Variants in METTL15 observed in about 807,000 individuals in gnomAD.
METTL15 encodes methyltransferase 15, mitochondrial 12S rRNA N4-cytidine.
A neutral mutation model predicts 38.3 loss-of-function variants in METTL15; 34 were observed. The observed-to-expected ratio is 0.89, with a 90% CI of 0.68 to 1.18. The LOEUF is 1.18. Among genes scored for constraint, METTL15 ranks in the 50% most tolerant of loss-of-function variants. The pLI, the probability that METTL15 is intolerant of heterozygous loss-of-function variation, is 0.00. For missense variants in METTL15, 438 were observed against 498.4 expected (o/e 0.88, Z 1.15); for synonymous variants, 162 against 170.9 (o/e 0.95, Z 0.41).
chr11:28,424,009 A>T (rs1006962664), intron 5 of METTL15, among the ~76,000 whole-genome samples: 21 of 151,994 alleles, frequency 1.4e-4, no homozygotes, highest in Non-Finnish European at 1.2e-4. Flanking sequence ...CTTTTTTTTA[A>T]AAAACCCCAA....
At chr11:28,240,583 G>A (rs1690073986) in intron 4 of METTL15, among the ~76,000 whole-genome samples, 1 of 152,134 alleles carries the variant, frequency 6.6e-6, no homozygotes, top group Admixed American at 6.5e-5. Flanking sequence ...ATAGCAAATA[G>A]CTTGTTCTAC....
At chr11:28,485,494 G>A (rs544269501) in intron 6 of METTL15, among the ~76,000 whole-genome samples, 1 of 152,248 alleles carries the variant, frequency 6.6e-6, no homozygotes, top group Non-Finnish European at 1.5e-5. Context: ...TTACCAGGAT[G>A]AGTATGGAAA....
intron 3 of METTL15, among the ~76,000 whole-genome samples, chr11:28,210,498 C>T (rs1412224769): frequency 3.3e-5 from 5 of 150,718 alleles, no homozygotes; most frequent in Non-Finnish European, 7.4e-5. Context: ...TTTTTTTCTT[C>T]TCAGTTCATA....
At chr11:28,291,983 G>A (rs961116495) in intron 5 of METTL15, among the ~76,000 whole-genome samples, 1 of 151,954 alleles carries the variant, frequency 6.6e-6, no homozygotes, top group Non-Finnish European at 1.5e-5. Context: ...ATGTTGAATG[G>A]CTTTCAGGTA....
At chr11:28,275,168 A>C (rs1413009096) in intron 4 of METTL15, among the ~76,000 whole-genome samples, 8 of 151,718 alleles carry the variant, frequency 5.3e-5, no homozygotes, top group Non-Finnish European at 1.2e-4. Context: ...AGGATCAATG[A>C]AACAAAAAGT....
chr11:28,264,975 C>A (rs1193819857), intron 4 of METTL15, among the ~76,000 whole-genome samples: 1 of 151,844 alleles, frequency 6.6e-6, no homozygotes, highest in Non-Finnish European at 1.5e-5. Context: ...TGCTTCATAT[C>A]AATAATAGCT....
chr11:28,428,507 TTAAG>T (rs779340247), intron 6 of METTL15, among the ~76,000 whole-genome samples: 5 of 152,210 alleles, frequency 3.3e-5, no homozygotes, highest in African/African-American at 1.2e-4. Flanking sequence ...GTGGTTATAA[TTAAG>T]TGTCTTCTAC....
At chr11:28,466,979 G>A (rs1292822531) in intron 6 of METTL15, among the ~76,000 whole-genome samples, 1 of 152,162 alleles carries the variant, frequency 6.6e-6, no homozygotes, top group Non-Finnish European at 1.5e-5. Flanking sequence ...TAAACCTGGA[G>A]TCCTTTTTGG....
At chr11:28,270,977 T>C (rs1166338122) in intron 4 of METTL15, among the ~76,000 whole-genome samples, 10 of 152,206 alleles carry the variant, frequency 6.6e-5, no homozygotes, top group African/African-American at 2.4e-4. Context: ...CTGAAGATTA[T>C]ATGCATCAAT....
At chr11:28,433,110 A>C (rs1850949311) in intron 6 of METTL15, among the ~76,000 whole-genome samples, 2 of 151,816 alleles carry the variant, frequency 1.3e-5, no homozygotes, top group African/African-American at 4.8e-5. Flanking sequence ...GCCATAATAA[A>C]ATCCAAAGTT....
chr11:28,328,820 A>G (rs2134061000), intron 6 of METTL15, among the ~76,000 whole-genome samples: 1 of 152,176 alleles, frequency 6.6e-6, no homozygotes, highest in African/African-American at 2.4e-5. Context: ...AATAATATAC[A>G]TGTATTCTGC....
At chr11:28,109,643 A>G (rs566377817) in intron 1 of METTL15, among the ~76,000 whole-genome samples, 206 of 152,342 alleles carry the variant, frequency 1.4e-3, no homozygotes, top group African/African-American at 4.6e-3. Flanking sequence ...CAGTCTGAAA[A>G]TATGCATATT....
intron 4 of METTL15, among the ~76,000 whole-genome samples, chr11:28,231,421 TC>T (rs1255917561): frequency 6.6e-6 from 1 of 151,892 alleles, no homozygotes; most frequent in African/African-American, 2.4e-5. Flanking sequence ...ATATCATTGA[TC>T]AAGTTAAGTT....
At chr11:28,287,156 ATGTGTGTG>A (rs150235421) in intron 4 of METTL15, 4,135 of 140,584 alleles carry the variant, frequency 0.029, 118 homozygotes, top group African/African-American at 0.072. Flanking sequence ...GAGAGAGACA[ATGTGTGTG>A]TGTGTGTGTG....
At chr11:28,129,339 G>T (rs774201091) in intron 3 of METTL15, among the ~76,000 whole-genome samples, 1 of 151,924 alleles carries the variant, frequency 6.6e-6, no homozygotes, top group Non-Finnish European at 1.5e-5. Flanking sequence ...GTCATACTTT[G>T]ACATTGGTGT....
chr11:28,280,359 A>C (rs1045800923), intron 4 of METTL15, among the ~76,000 whole-genome samples: 3 of 151,914 alleles, frequency 2.0e-5, no homozygotes, highest in African/African-American at 7.3e-5. Context: ...GGCTTCCCTT[A>C]TTTTAGTTCT....
chr11:28,336,623 G>A (rs535446731), downstream of METTL15, among the ~76,000 whole-genome samples: 16 of 152,208 alleles, frequency 1.1e-4, no homozygotes, highest in Non-Finnish European at 1.8e-4. Flanking sequence ...ATACAATGGT[G>A]GCCCCATGAA....
intron 5 of METTL15, among the ~76,000 whole-genome samples, chr11:28,378,090 A>T (rs7120537): frequency 0.57 from 86,077 of 151,906 alleles, 25,482 homozygotes; most frequent in East Asian, 0.74. Flanking sequence ...AAGTCTGCAG[A>T]GGTTACTGCT....
exon 8 of METTL15, chr11:28,526,667 G>T (rs905905760): frequency 1.3e-5 from 2 of 152,172 alleles, no homozygotes; most frequent in African/African-American, 4.8e-5. Flanking sequence ...GGAGCCAAGG[G>T]GAGAGGTTCA....
Sources: gnomAD v4.1 joint callset for allele counts (sites outside exome capture counted in the v4.1 genomes callset) on GRCh38, gnomAD v4.1.1 for gene constraint, MANE v1.5 for transcripts, NCBI Gene and HGNC (gene_info 2026-07-23, HGNC 2026-07-21) for gene names.